EPHA6: variants seen among roughly 807,000 people sequenced by gnomAD.
EPHA6 encodes the protein ephrin type-A receptor 6.
Under a neutral mutation model 112.0 loss-of-function variants are expected in EPHA6, and 50 were observed. The ratio of observed to expected loss-of-function variants is 0.45; its 90% CI spans 0.36 to 0.56. EPHA6 has a LOEUF of 0.56. Ranked by LOEUF, EPHA6 falls within the 20% of genes least tolerant of loss-of-function variation. The pLI, the probability that EPHA6 is intolerant of heterozygous loss-of-function variation, is 0.00. For synonymous variants in EPHA6, 529 were observed against 490.7 expected, an observed-to-expected ratio of 1.08 and a Z score of -1.03; for missense variants, 1,280 against 1,417.4, an observed-to-expected ratio of 0.90 and a Z score of 1.56.
chr3:97,713,427 A>T lies in EPHA6; in HGVS notation c.2785-6834A>T, dbSNP rs571953939. On this transcript the variant is annotated intron_variant, in intron 14 of 17. Transcript: ENST00000389672. ...GAAAAAATCTCATATAAGATTTTTT[A>T]AAAATTTAGTTTCATATGTTTGTTA... 3.9e-5 allele frequency among the ~76,000 whole-genome samples: 6 copies of T among 152,342 alleles called. No homozygotes were observed. In the South Asian group the frequency reaches 1.2e-3, roughly 32 times the overall value.
rs921612508 is a variant in EPHA6 at position 97,532,439 on chromosome 3, G to A, written c.2282G>A (p.Gly761Asp). 3.2e-5 allele frequency: 52 copies of A among 1,612,466 alleles called. No homozygotes were observed. Among genetic ancestry groups the A allele is most frequent in the Non-Finnish European group, 4.0e-5 (47 of 1,178,974 alleles). Residue 761 changes from glycine (G) to aspartate (D), a missense_variant, in exon 11 of 18, where the codon GGT becomes GAT. By Grantham distance (94) the Gly-to-Asp change is moderately conservative. Coordinates refer to ENST00000389672, the MANE Select transcript of EPHA6 (RefSeq NM_001080448.3). ...EIPVAIKTLK[G>D]GHMDRQRRDF... is the part of the protein sequence containing the mutation. ...CCAGTTGCCATTAAAACTTTGAAAG[G>A]TGGCCACATGGATCGGCAAAGAAGA...
chr3:97,747,596 T>G, intron 17 of EPHA6, 24 bp downstream of exon 17: 2 of 1,558,224 alleles, frequency 1.3e-6, no homozygotes, highest in Non-Finnish European at 1.7e-6. Context: ...GGTTTATTAC[T>G]GTAACGAGAT....
intron 5 of EPHA6, among the ~76,000 whole-genome samples, chr3:97,346,121 T>A (rs1000264277): frequency 4.6e-5 from 7 of 152,152 alleles, no homozygotes; most frequent in African/African-American, 1.7e-4. Context: ...TACTATCCTG[T>A]CCTTTTACTT....
At chr3:97,343,389 G>GT (rs1360671693) in intron 5 of EPHA6, among the ~76,000 whole-genome samples, 1 of 152,076 alleles carries the variant, frequency 6.6e-6, no homozygotes, top group Non-Finnish European at 1.5e-5. Context: ...CGGCACCTTG[G>GT]TTTTTTCTGA....
At chr3:97,124,469 A>G (rs867356896) in intron 3 of EPHA6, among the ~76,000 whole-genome samples, 2 of 149,740 alleles carry the variant, frequency 1.3e-5, no homozygotes, top group East Asian at 2.0e-4. Context: ...TCTGTTTAAA[A>G]AAAGAAAGAA....
At chr3:97,022,363 C>G (rs1460770410) in intron 3 of EPHA6, among the ~76,000 whole-genome samples, 1 of 152,114 alleles carries the variant, frequency 6.6e-6, no homozygotes, top group Non-Finnish European at 1.5e-5. Context: ...TTGACTCTTT[C>G]TTAGACAGAT....
At chr3:97,522,069 G>A (rs1178212612) in intron 10 of EPHA6, among the ~76,000 whole-genome samples, 4 of 151,406 alleles carry the variant, frequency 2.6e-5, no homozygotes, top group Non-Finnish European at 4.4e-5. Flanking sequence ...GACTACCTTT[G>A]CCACTACACC....
intron 11 of EPHA6, among the ~76,000 whole-genome samples, chr3:97,553,597 G>A (rs138153453): frequency 4.6e-4 from 70 of 152,094 alleles, no homozygotes; most frequent in South Asian, 2.3e-3. Flanking sequence ...TCATGAGAAC[G>A]CTTCACTATC....
chr3:97,288,236 C>T (rs919110509), intron 5 of EPHA6, among the ~76,000 whole-genome samples: 7 of 152,120 alleles, frequency 4.6e-5, no homozygotes, highest in African/African-American at 1.7e-4. Flanking sequence ...TGTTCCCCTT[C>T]CTTCCTCACC....
chr3:97,706,501 C>A (rs1229351329), intron 14 of EPHA6, among the ~76,000 whole-genome samples: 2 of 152,226 alleles, frequency 1.3e-5, no homozygotes, highest in African/African-American at 4.8e-5. Flanking sequence ...TCTTCGCTGT[C>A]ATGGCTATTG....
intron 5 of EPHA6, among the ~76,000 whole-genome samples, chr3:97,362,828 G>A (rs1416793510): frequency 6.6e-6 from 1 of 151,508 alleles, no homozygotes; most frequent in East Asian, 1.9e-4. Flanking sequence ...AAGTGTTTAT[G>A]GTCCTAGTTA....
chr3:97,539,197 G>C (rs2092813116), intron 11 of EPHA6, among the ~76,000 whole-genome samples: 1 of 147,534 alleles, frequency 6.8e-6, no homozygotes, highest in African/African-American at 2.5e-5. Flanking sequence ...GCCTAGGCTG[G>C]AGTGCAGTCG....
At chr3:97,546,769 TA>T (rs1227500117) in intron 11 of EPHA6, among the ~76,000 whole-genome samples, 1 of 152,188 alleles carries the variant, frequency 6.6e-6, no homozygotes, top group Non-Finnish European at 1.5e-5. Context: ...CATTTCTTTT[TA>T]TTCTTTTTTC....
intron 10 of EPHA6, among the ~76,000 whole-genome samples, chr3:97,509,765 A>T: frequency 6.6e-6 from 1 of 152,282 alleles, no homozygotes; most frequent in South Asian, 2.1e-4. Context: ...CTCCTGGATA[A>T]TATCCTGAAG....
chr3:97,726,736 G>T (rs1302436053), intron 15 of EPHA6, among the ~76,000 whole-genome samples: 1 of 152,018 alleles, frequency 6.6e-6, no homozygotes. Context: ...GAAGTGTATT[G>T]TAATGCTGGA....
chr3:97,033,487 A>G (rs976017531), intron 3 of EPHA6, among the ~76,000 whole-genome samples: 6 of 152,000 alleles, frequency 3.9e-5, no homozygotes, highest in African/African-American at 1.4e-4. Context: ...GAGATATTCA[A>G]AACAAATTAT....
rs145964572 is a variant in EPHA6, at chr3:97,631,607, C to T, written c.2575-6266C>T. On this transcript the variant is annotated intron_variant, in intron 13 of 17. Transcript: ENST00000389672. ...TACTTCTTTTTTTAGCTTAAATTGTCATTATCCAATAGTATTTATTGAACC... is the reference window on the plus strand; with the variant it reads ...TACTTCTTTTTTTAGCTTAAATTGTTATTATCCAATAGTATTTATTGAACC... Among the ~76,000 whole-genome samples, 5 of 151,956 alleles carry T rather than the reference C, an allele frequency of 3.3e-5. No individual in the cohort carries two copies. The East Asian group carries it at 9.7e-4, about 30-fold the overall frequency.
In EPHA6 at chr3:97,104,013, C is replaced by T. The variant is rs906884896; in HGVS notation, c.1114+116020C>T. ...ATTGATTTTGTATCCTGAAACTTTG[C>T]TGAAGTTGTTTATCAGCTGAAGGAA... is the stretch of plus-strand genomic sequence containing the variant. On this transcript the variant is annotated intron_variant, in intron 3 of 17. Transcript: ENST00000389672. 3.3e-5 allele frequency among the ~76,000 whole-genome samples: 5 copies of T among 152,184 alleles called. No individual in the cohort carries two copies. In the East Asian group the frequency reaches 7.7e-4, roughly 24 times the overall value.
At chr3:97,125,709 A>T (rs896545302) in intron 3 of EPHA6, among the ~76,000 whole-genome samples, 1 of 152,224 alleles carries the variant, frequency 6.6e-6, no homozygotes, top group African/African-American at 2.4e-5. Flanking sequence ...AATGATTTAA[A>T]TAAAATAAAT....
Sources: gnomAD v4.1 joint callset for allele counts (sites outside exome capture counted in the v4.1 genomes callset) on GRCh38, gnomAD v4.1.1 for gene constraint, MANE v1.5 for transcripts, NCBI Gene and HGNC (gene_info 2026-07-23, HGNC 2026-07-21) for gene names.